CRYBG3: variants seen among roughly 807,000 people sequenced by gnomAD.
CRYBG3 encodes the protein crystallin beta-gamma domain containing 3.
CRYBG3 carries 127 observed loss-of-function variants against 244.2 expected under a neutral mutation model. The ratio of observed to expected loss-of-function variants is 0.52; its 90% CI spans 0.45 to 0.60. CRYBG3 has a LOEUF of 0.60. Ranked by LOEUF, CRYBG3 falls within the 20% of genes least tolerant of loss-of-function variation. The probability of loss-of-function intolerance (pLI) is 0.00; values close to 1 mark genes in which losing one functional copy is unlikely to be tolerated. For synonymous variants in CRYBG3, 1,132 were observed against 1,195.8 expected (o/e 0.95, Z 1.10); for missense variants, 3,325 against 3,442.5 (o/e 0.97, Z 0.85).
At chr3:97,841,294 C>A (rs1475426937) in intron 1 of CRYBG3, among the ~76,000 whole-genome samples, 2 of 143,778 alleles carry the variant, frequency 1.4e-5, no homozygotes, top group Admixed American at 6.8e-5. Flanking sequence ...GTGCGTACAC[C>A]TATATGTATA....
At position 97,875,221 on chromosome 3, in the gene CRYBG3, A is replaced by T; in HGVS notation, c.4027A>T (p.Ile1343Phe). 1 of 1,531,960 alleles carries T rather than the reference A, an allele frequency of 6.5e-7. No individual in the cohort carries two copies. The highest frequency in any genetic ancestry group is 1.2e-5 in the South Asian group (1 of 82,978). 94.9% of individuals were successfully genotyped at this position (1,531,960 alleles called of 1,614,324 possible). The change falls in exon 4 of 22, where the codon ATT (isoleucine) becomes TTT (phenylalanine). Residue 1343 changes from isoleucine (I) to phenylalanine (F), a missense_variant. Ile to Phe is a conservative substitution (Grantham distance 21). Around this residue, in one of 4 missense-constraint regions of CRYBG3, gnomAD observed 635 missense variants for 771.7 expected, o/e 0.82. Coordinates refer to ENST00000389622, the MANE Select transcript of CRYBG3 (RefSeq NM_153605.4). Reference sequence around the variant, plus strand: ...TGAACTTCAGGCTAATACTTCAAAAATTCTGAACAGTGATAGTGTTAAGCC... The same window carrying T: ...TGAACTTCAGGCTAATACTTCAAAATTTCTGAACAGTGATAGTGTTAAGCC... Reference protein sequence around the residue: ...DSELQANTSKILNSDSVKPHD... With the variant: ...DSELQANTSKFLNSDSVKPHD...
At chr3:97,917,967 C>T (rs1343652910) in intron 17 of CRYBG3, among the ~76,000 whole-genome samples, 1 of 152,148 alleles carries the variant, frequency 6.6e-6, no homozygotes, top group Non-Finnish European at 1.5e-5. Context: ...ATTCTCCCCA[C>T]TATCTTCGTA....
rs751619054 is a variant in CRYBG3 at position 97,944,535 on chromosome 3, A to G, written c.*1221A>G. The G allele has an allele frequency of 3.9e-5, 6 of 152,376 alleles. No individual in the cohort carries two copies. The highest frequency in any genetic ancestry group is 9.7e-5 in the African/African-American group (4 of 41,414). 9.4% of individuals were successfully genotyped at this position (152,376 alleles called of 1,614,324 possible). ...TTTAGAATGTAAAATAACAATGACT[A>G]TTTTAAACTCGAAGACCCACTATTT... On this transcript the variant is annotated 3_prime_UTR_variant, in exon 22 of 22. Coordinates refer to ENST00000389622, the MANE Select transcript of CRYBG3 (RefSeq NM_153605.4).
rs1247603735 is a variant in CRYBG3 at position 97,912,250 on chromosome 3, A to G, written c.8088A>G (p.Pro2696=). The G allele has an allele frequency of 1.2e-6, 2 of 1,603,124 alleles. No homozygotes were observed. Among genetic ancestry groups the G allele is most frequent in the Non-Finnish European group, 1.7e-6 (2 of 1,173,640 alleles). ...EETSDLTSLM[P]CSFKVLRGCW... is the part of the protein sequence containing the mutation. ...CTTCTGATTTGACTTCACTCATGCC[A>G]TGTTCTTTTAAAGTTCTTCGAGGTT... Residue 2696 remains proline (P), a synonymous_variant, in exon 16 of 22, where the codon CCA becomes CCG. Transcript: ENST00000389622.
chr3:97,876,647 C>A lies in CRYBG3; in HGVS notation c.5453C>A (p.Pro1818His). The change falls in exon 4 of 22, where the codon CCC (proline) becomes CAC (histidine). Residue 1818 changes from proline (P) to histidine (H), a missense_variant. By Grantham distance (77) the Pro-to-His change is moderately conservative. Transcript: ENST00000389622. ...VKEAHETAPAPLEMEKACKRD... is the reference protein window; with the variant it reads ...VKEAHETAPAHLEMEKACKRD... ...GAAGCACACGAGACAGCACCTGCCCCCTTAGAAATGGAAAAAGCATGCAAG... is the reference window on the plus strand; with the variant it reads ...GAAGCACACGAGACAGCACCTGCCCACTTAGAAATGGAAAAAGCATGCAAG... 8.1e-7 allele frequency: 1 copy of A among 1,235,546 alleles called. No homozygotes were observed. The highest frequency in any genetic ancestry group is 4.1e-5 in the South Asian group (1 of 24,520). 76.5% of individuals were successfully genotyped at this position (1,235,546 alleles called of 1,614,324 possible).
Position 97,877,605 on chromosome 3 carries a change from T to C in CRYBG3, c.6411T>C (p.Asn2137=). 6.2e-7 allele frequency: 1 copy of C among 1,614,046 alleles called. No individual in the cohort carries two copies. The highest frequency in any genetic ancestry group is 8.5e-7 in the Non-Finnish European group (1 of 1,180,002). The stretch of plus-strand genomic sequence containing the variant: ...CAGTGTCAGAACGTTTAAAGATGAA[T>C]TTTGATGAAGATGACAGAGAGGCAG... ...LQSVSERLKM[N]FDEDDREAAD... is the part of the protein sequence containing the mutation. The change falls in exon 4 of 22, where the codon AAT becomes AAC. Residue 2137 remains asparagine, a synonymous_variant. Coordinates refer to ENST00000389622, the MANE Select transcript of CRYBG3 (RefSeq NM_153605.4).
chr3:97,936,971 C>G, intron 19 of CRYBG3, 63 bp downstream of exon 19: 2 of 1,548,946 alleles, frequency 1.3e-6, no homozygotes, highest in Non-Finnish European at 1.8e-6. Flanking sequence ...TGTCATAAAC[C>G]ACAGCATCTG....
intron 2 of CRYBG3, among the ~76,000 whole-genome samples, chr3:97,859,152 C>CGTCAGTGACAGTA (rs1559721429): frequency 6.6e-6 from 1 of 152,090 alleles, no homozygotes; most frequent in Non-Finnish European, 1.5e-5. Flanking sequence ...GGGGCAGTAT[C>CGTCAGTGACAGTA]GTCAGTGACA....
At chr3:97,892,121 G>C (rs1356089416) in intron 10 of CRYBG3, among the ~76,000 whole-genome samples, 1 of 152,092 alleles carries the variant, frequency 6.6e-6, no homozygotes, top group Admixed American at 6.6e-5. Flanking sequence ...TTGAAGAAAT[G>C]CTTCAGGATC....
At position 97,880,004 on chromosome 3, in the gene CRYBG3, A is replaced by G. The variant is rs755601356; in HGVS notation, c.6908A>G (p.His2303Arg). The G allele has an allele frequency of 1.9e-6, 3 of 1,568,162 alleles. No individual in the cohort carries two copies. The highest frequency in any genetic ancestry group is 1.4e-5 in the African/African-American group (1 of 73,896). ...RPGKMVIYDL[H>R]ESTYKQEVYC... ...TTGCAGATGGTTATCTATGATCTCC[A>G]TGAAAGTACATATAAACAAGAAGTC... Residue 2303 changes from histidine (H) to arginine (R), a missense_variant, in exon 6 of 22, where the codon CAT becomes CGT. Physicochemically the swap from His to Arg is conservative, Grantham distance 29. Transcript: ENST00000389622.
In CRYBG3 at chr3:97,943,041, A is replaced by G; in HGVS notation, c.8825-185A>G. ...TTTTAGTATTTCAATTTGAGTCATA[A>G]TAAGGTCCAATTTGAGGTGAATAAT... is the stretch of plus-strand genomic sequence containing the variant. On this transcript the variant is annotated intron_variant, in intron 21 of 21. Transcript: ENST00000389622. The G allele has an allele frequency of 1.1e-5, 6 of 563,474 alleles. No homozygotes were observed. The South Asian group carries it at 1.4e-4, about 13-fold the overall frequency. 34.9% of individuals were successfully genotyped at this position (563,474 alleles called of 1,614,324 possible).
chr3:97,940,867 C>T (rs1316273256), intron 19 of CRYBG3, among the ~76,000 whole-genome samples: 3 of 151,936 alleles, frequency 2.0e-5, no homozygotes, highest in Non-Finnish European at 4.4e-5. Flanking sequence ...TACCACCCCA[C>T]TCCTCACCAC....
intron 1 of CRYBG3, among the ~76,000 whole-genome samples, chr3:97,824,310 A>G (rs879845253): frequency 6.6e-6 from 1 of 152,170 alleles, no homozygotes; most frequent in Non-Finnish European, 1.5e-5. Context: ...TATTTTGGCT[A>G]TTTCTCTTTG....
chr3:97,860,723 C>A (rs1217836457), intron 2 of CRYBG3, among the ~76,000 whole-genome samples: 1 of 152,084 alleles, frequency 6.6e-6, no homozygotes, highest in Non-Finnish European at 1.5e-5. Context: ...CTTTGGAGAT[C>A]TCTGGTATTC....
chr3:97,834,944 T>A (rs1215616379), intron 1 of CRYBG3, among the ~76,000 whole-genome samples: 2 of 152,136 alleles, frequency 1.3e-5, no homozygotes, highest in Non-Finnish European at 2.9e-5. Flanking sequence ...AAAAGCACAC[T>A]CATAACCCTA....
At chr3:97,859,013 T>A (rs2039107483) in intron 2 of CRYBG3, among the ~76,000 whole-genome samples, 1 of 151,662 alleles carries the variant, frequency 6.6e-6, no homozygotes, top group Admixed American at 6.6e-5. Context: ...GGCTTTGGAT[T>A]TGGTTCTAGG....
chr3:97,834,381 A>G (rs1034341622), intron 1 of CRYBG3, among the ~76,000 whole-genome samples: 3 of 152,164 alleles, frequency 2.0e-5, no homozygotes, highest in Non-Finnish European at 4.4e-5. Flanking sequence ...GGGTGGTCTC[A>G]CCAATATTTG....
At chr3:97,923,930 G>A (rs908674907) in intron 17 of CRYBG3, among the ~76,000 whole-genome samples, 1 of 152,032 alleles carries the variant, frequency 6.6e-6, no homozygotes, top group African/African-American at 2.4e-5. Flanking sequence ...GGGTAGAGGT[G>A]GGGAGTAAAA....
intron 2 of CRYBG3, among the ~76,000 whole-genome samples, chr3:97,848,424 C>G (rs2038933540): frequency 6.6e-6 from 1 of 152,138 alleles, no homozygotes; most frequent in Non-Finnish European, 1.5e-5. Context: ...GCCTCACCCT[C>G]CCGAGTAGCT....
Sources: gnomAD v4.1 joint callset for allele counts (sites outside exome capture counted in the v4.1 genomes callset) on GRCh38, gnomAD v4.1.1 for gene constraint, gnomAD v4.1.1 regional missense constraint, MANE v1.5 for transcripts, NCBI Gene and HGNC (gene_info 2026-07-23, HGNC 2026-07-21) for gene names.